Variants in TMEM232 observed in about 807,000 individuals in gnomAD.
TMEM232 encodes transmembrane protein 232.
In TMEM232, 80 loss-of-function variants were observed where a neutral mutation model predicts 78.8. That is an observed-to-expected ratio of 1.01 (90% CI 0.85 to 1.22). TMEM232 has a LOEUF of 1.22. Ranked by LOEUF, TMEM232 falls within the 50% of genes most tolerant of loss-of-function variation. The probability of loss-of-function intolerance (pLI) is 0.00; values close to 1 mark genes in which losing one functional copy is unlikely to be tolerated. For synonymous variants in TMEM232, 297 were observed against 254.3 expected (o/e 1.17, Z -1.60); for missense variants, 881 against 742.2 (o/e 1.19, Z -2.17).
At chr5:110,531,824 C>T (rs1260625770) in intron 11 of TMEM232, among the ~76,000 whole-genome samples, 1 of 152,176 alleles carries the variant, frequency 6.6e-6, no homozygotes, top group African/African-American at 2.4e-5. Flanking sequence ...CTTTACAGCC[C>T]TAGACCCTAA....
At chr5:110,702,087 C>T (rs1322545816) in intron 1 of TMEM232, among the ~76,000 whole-genome samples, 7 of 151,920 alleles carry the variant, frequency 4.6e-5, no homozygotes, top group African/African-American at 1.7e-4. Context: ...TCTCATGGTA[C>T]AGCAGTTATA....
rs1192575850 is a variant in TMEM232, at chr5:110,721,671, G to GTATATATATATATA, written c.-13+4955_-13+4956insTATATATATATATA. On this transcript the variant is annotated intron_variant, in intron 1 of 13. Transcript: ENST00000455884. ...CTGCATATCATGTGTGTGTGTGTGTGTGTATATATATATCTGTGTGTGTTA... is the reference window on the plus strand; with the variant it reads ...CTGCATATCATGTGTGTGTGTGTGTGTATATATATATATATGTATATATATATCTGTGTGTGTTA... 9.4e-3 allele frequency among the ~76,000 whole-genome samples: 220 copies of GTATATATATATATA among 23,402 alleles called. 10 individuals are homozygous for GTATATATATATATA. Among genetic ancestry groups the GTATATATATATATA allele is most frequent in the African/African-American group, 0.017 (213 of 12,460 alleles). 15.4% of individuals were successfully genotyped at this position (23,402 alleles called of 152,430 possible). A position where few individuals can be genotyped will look rare whatever the true frequency, so the allele number is the denominator to read the frequency against.
intron 12 of TMEM232, among the ~76,000 whole-genome samples, chr5:110,435,559 T>C (rs903416264): frequency 1.3e-5 from 2 of 151,798 alleles, no homozygotes; most frequent in African/African-American, 4.8e-5. Context: ...ATTCATTCTT[T>C]CTAATTTTTG....
chr5:110,713,931 T>G (rs188428389), intron 1 of TMEM232, among the ~76,000 whole-genome samples: 1 of 152,272 alleles, frequency 6.6e-6, no homozygotes, highest in Admixed American at 6.5e-5. Context: ...AGTTGGCTGG[T>G]TCCAGGTGGT....
intron 2 of TMEM232, among the ~76,000 whole-genome samples, chr5:110,406,839 T>C (rs1189058260): frequency 6.6e-6 from 1 of 152,082 alleles, no homozygotes; most frequent in Non-Finnish European, 1.5e-5. Flanking sequence ...CAAAATGTAG[T>C]GGAAATGAGG....
chr5:110,645,649 C>CT (rs1384200575), intron 2 of TMEM232, among the ~76,000 whole-genome samples: 1 of 151,562 alleles, frequency 6.6e-6, no homozygotes, highest in Non-Finnish European at 1.5e-5. Flanking sequence ...AACTTTGCCT[C>CT]TAAGACACTA....
At chr5:110,637,171 A>G (rs1580451719) in intron 5 of TMEM232, among the ~76,000 whole-genome samples, 1 of 150,738 alleles carries the variant, frequency 6.6e-6, no homozygotes, top group Non-Finnish European at 1.5e-5. Flanking sequence ...AAATATAAAT[A>G]CATATTTTAG....
At chr5:110,625,732 A>G (rs1177596520) in intron 6 of TMEM232, 2 of 177,300 alleles carry the variant, frequency 1.1e-5, no homozygotes, top group African/African-American at 4.7e-5. Flanking sequence ...ATGAAAATAA[A>G]TCAAGCTATA....
chr5:110,724,213 C>T (rs1344087428), intron 1 of TMEM232, among the ~76,000 whole-genome samples: 1 of 152,156 alleles, frequency 6.6e-6, no homozygotes, highest in East Asian at 1.9e-4. Flanking sequence ...ATATTCACAT[C>T]AGTCCTGTGG....
intron 1 of TMEM232, among the ~76,000 whole-genome samples, chr5:110,675,289 C>G (rs145158845): frequency 0.024 from 3,686 of 152,102 alleles, 47 homozygotes; most frequent in African/African-American, 0.032. Context: ...AAGTGATCTG[C>G]CTGCCTCAGC....
chr5:110,388,957 G>C (rs1341632780), intron 4 of TMEM232, among the ~76,000 whole-genome samples: 1 of 152,026 alleles, frequency 6.6e-6, no homozygotes. Context: ...AAAAATAGTG[G>C]AGATGAAAGA....
chr5:110,467,255 A>G (rs1247813767), intron 12 of TMEM232, among the ~76,000 whole-genome samples: 1 of 152,164 alleles, frequency 6.6e-6, no homozygotes, highest in Non-Finnish European at 1.5e-5. Flanking sequence ...ACCCTCCCCT[A>G]GGATACTTTT....
chr5:110,473,890 CAAAAAAAAAAAAAA>C (rs61351197), intron 12 of TMEM232, among the ~76,000 whole-genome samples: 1 of 14,222 alleles, frequency 7.0e-5, no homozygotes, highest in Non-Finnish European at 1.4e-4. Context: ...AGCCAGACAC[CAAAAAAAAAAAAAA>C]AAAAAAAAAA....
At chr5:110,695,832 T>G (rs925865066) in intron 1 of TMEM232, among the ~76,000 whole-genome samples, 1 of 151,936 alleles carries the variant, frequency 6.6e-6, no homozygotes, top group Non-Finnish European at 1.5e-5. Flanking sequence ...CCAAAAAAAG[T>G]CCAGGACCAG....
chr5:110,437,960 A>T (rs1225094295), intron 12 of TMEM232, among the ~76,000 whole-genome samples: 1 of 152,092 alleles, frequency 6.6e-6, no homozygotes, highest in Non-Finnish European at 1.5e-5. Context: ...ATCTACTAAG[A>T]GGCTGGTAGT....
intron 12 of TMEM232, among the ~76,000 whole-genome samples, chr5:110,495,972 C>T (rs866238495): frequency 4.6e-5 from 7 of 150,672 alleles, no homozygotes; most frequent in African/African-American, 1.5e-4. Context: ...ATTTCATGCA[C>T]AGAGGCATTA....
At chr5:110,490,973 T>G (rs1274938183) in intron 12 of TMEM232, among the ~76,000 whole-genome samples, 2 of 152,032 alleles carry the variant, frequency 1.3e-5, no homozygotes, top group Non-Finnish European at 2.9e-5. Flanking sequence ...ACAAAATAAA[T>G]AAATTTCACT....
At chr5:110,559,286 A>G (rs941611508) in intron 11 of TMEM232, among the ~76,000 whole-genome samples, 2 of 152,194 alleles carry the variant, frequency 1.3e-5, no homozygotes, top group African/African-American at 4.8e-5. Flanking sequence ...GGGTAGGAAA[A>G]TAGTTCTTAA....
At chr5:110,722,324 G>T (rs1797727745) in intron 1 of TMEM232, among the ~76,000 whole-genome samples, 1 of 152,150 alleles carries the variant, frequency 6.6e-6, no homozygotes, top group African/African-American at 2.4e-5. Context: ...TGGCATGGCT[G>T]GGTATAACTG....
Sources: gnomAD v4.1 joint callset for allele counts (sites outside exome capture counted in the v4.1 genomes callset) on GRCh38, gnomAD v4.1.1 for gene constraint, MANE v1.5 for transcripts, NCBI Gene and HGNC (gene_info 2026-07-23, HGNC 2026-07-21) for gene names.